EPHB1: variants seen among roughly 807,000 people sequenced by gnomAD.
EPHB1 encodes the protein EPH receptor B1.
EPHB1 carries 30 observed loss-of-function variants against 94.4 expected under a neutral mutation model. The observed-to-expected ratio is 0.32, with a 90% CI of 0.24 to 0.43. The LOEUF (loss-of-function observed/expected upper bound fraction) is 0.43. Ranked by LOEUF, EPHB1 falls within the 20% of genes least tolerant of loss-of-function variation. EPHB1 has a pLI of 1.00. For synonymous variants in EPHB1, 522 were observed against 489.1 expected (o/e 1.07, Z -0.89); for missense variants, 1,055 against 1,308.3 (o/e 0.81, Z 2.99).
At chr3:134,909,120 G>GGGT (rs1553864851) in intron 1 of EPHB1, among the ~76,000 whole-genome samples, 1 of 110,638 alleles carries the variant, frequency 9.0e-6, no homozygotes, top group African/African-American at 3.6e-5. Context: ...GGGGGCGGGG[G>GGGT]GCGGGCTGGA....
intron 1 of EPHB1, among the ~76,000 whole-genome samples, chr3:134,914,934 G>A (rs1472202740): frequency 1.3e-5 from 2 of 152,096 alleles, no homozygotes; most frequent in Admixed American, 6.5e-5. Context: ...CTGGTGAAGG[G>A]GCCCAGTGGA....
intron 1 of EPHB1, chr3:134,796,166 G>A (rs1158905689): frequency 5.1e-6 from 1 of 195,040 alleles, no homozygotes; most frequent in African/African-American, 2.4e-5. Context: ...CAGTCCACGG[G>A]CTAGTGGACT....
intron 3 of EPHB1, among the ~76,000 whole-genome samples, chr3:135,014,326 C>A (rs922152878): frequency 6.6e-6 from 1 of 152,166 alleles, no homozygotes; most frequent in Non-Finnish European, 1.5e-5. Flanking sequence ...GTGGCCCATG[C>A]TCTATGGCCC....
chr3:135,228,319 G>T (rs1289768566), intron 12 of EPHB1, among the ~76,000 whole-genome samples: 2 of 152,032 alleles, frequency 1.3e-5, no homozygotes, highest in African/African-American at 4.8e-5. Context: ...TTAGATTCGG[G>T]TTATTTATGT....
At chr3:134,956,643 T>G (rs532554248) in intron 3 of EPHB1, among the ~76,000 whole-genome samples, 3 of 152,296 alleles carry the variant, frequency 2.0e-5, no homozygotes, top group South Asian at 4.2e-4. Flanking sequence ...TTGGCTCTGC[T>G]GCAAACTTGC....
chr3:135,053,850 G>T (rs1937266460), intron 3 of EPHB1, among the ~76,000 whole-genome samples: 1 of 152,044 alleles, frequency 6.6e-6, no homozygotes, highest in Admixed American at 6.5e-5. Context: ...AAAATATCTG[G>T]GTGTGGTGGC....
chr3:135,145,160 T>C (rs1164578538), intron 5 of EPHB1, among the ~76,000 whole-genome samples: 1 of 152,176 alleles, frequency 6.6e-6, no homozygotes, highest in Non-Finnish European at 1.5e-5. Context: ...GATCCAGCTA[T>C]CTAAGCAGGA....
intron 3 of EPHB1, among the ~76,000 whole-genome samples, chr3:134,999,255 C>T (rs1401451364): frequency 2.6e-5 from 4 of 151,982 alleles, no homozygotes; most frequent in African/African-American, 7.3e-5. Context: ...ATCAGCATGC[C>T]GGAAGGTTTT....
chr3:135,241,057 G>A (rs2107728005), intron 12 of EPHB1, 91 bp from the exon 13 acceptor site: 1 of 1,470,558 alleles, frequency 6.8e-7, no homozygotes, highest in Non-Finnish European at 9.5e-7. Context: ...GGGAGTGAGA[G>A]TTTGGAAGAA....
chr3:134,958,498 C>T (rs1933373987), intron 3 of EPHB1, among the ~76,000 whole-genome samples: 1 of 151,848 alleles, frequency 6.6e-6, no homozygotes, highest in Non-Finnish European at 1.5e-5. Context: ...GGAGCCCTCT[C>T]TGCTCTCTCA....
intron 12 of EPHB1, among the ~76,000 whole-genome samples, chr3:135,214,940 T>C (rs781739219): frequency 5.9e-5 from 9 of 152,208 alleles, no homozygotes; most frequent in Non-Finnish European, 1.2e-4. Context: ...CACACTATGC[T>C]TTATGAACTT....
chr3:135,083,292 A>G (rs1938225858), intron 3 of EPHB1, among the ~76,000 whole-genome samples: 1 of 152,036 alleles, frequency 6.6e-6, no homozygotes, highest in Non-Finnish European at 1.5e-5. Context: ...TGGCAGGTGT[A>G]CAGAGGAGAA....
intron 4 of EPHB1, among the ~76,000 whole-genome samples, chr3:135,131,670 A>G (rs1351078862): frequency 2.0e-5 from 3 of 152,192 alleles, no homozygotes; most frequent in Non-Finnish European, 4.4e-5. Context: ...TAATTCAGCA[A>G]TATTTTGCTC....
At chr3:135,253,476 T>G (rs1933220651) in intron 15 of EPHB1, among the ~76,000 whole-genome samples, 1 of 151,614 alleles carries the variant, frequency 6.6e-6, no homozygotes, top group African/African-American at 2.4e-5. Context: ...GGGAATCCTT[T>G]CCCCATTGCT....
chr3:135,084,700 C>G (rs961765980), intron 3 of EPHB1, among the ~76,000 whole-genome samples: 1 of 152,120 alleles, frequency 6.6e-6, no homozygotes, highest in African/African-American at 2.4e-5. Context: ...GTGGTTATAC[C>G]CAGCAGCTCC....
chr3:134,917,844 G>C (rs1315924638), intron 1 of EPHB1, among the ~76,000 whole-genome samples: 1 of 152,194 alleles, frequency 6.6e-6, no homozygotes, highest in Non-Finnish European at 1.5e-5. Context: ...TACTGGCAAA[G>C]ACAATAAATA....
chr3:134,991,364 G>C (rs1934791125), intron 3 of EPHB1, among the ~76,000 whole-genome samples: 1 of 152,124 alleles, frequency 6.6e-6, no homozygotes, highest in Non-Finnish European at 1.5e-5. Context: ...CTCTCTCTTA[G>C]ACTTTGTTAA....
intron 1 of EPHB1, among the ~76,000 whole-genome samples, chr3:134,883,004 A>G (rs2037789967): frequency 6.6e-6 from 1 of 151,622 alleles, no homozygotes; most frequent in Non-Finnish European, 1.5e-5. Context: ...TTGTATTTTT[A>G]CTAGAGATGG....
intron 3 of EPHB1, among the ~76,000 whole-genome samples, chr3:134,954,826 A>AGTCGTG: frequency 6.6e-6 from 1 of 152,294 alleles, no homozygotes; most frequent in Non-Finnish European, 1.5e-5. Flanking sequence ...CTCCTGTCAA[A>AGTCGTG]GTCGTGGTGA....
Sources: allele counts gnomAD v4.1 joint callset (sites outside exome capture counted in the v4.1 genomes callset), GRCh38; gene constraint gnomAD v4.1.1; transcripts MANE v1.5; gene names NCBI Gene and HGNC (gene_info 2026-07-23, HGNC 2026-07-21).